Variants in CTU2 observed in about 807,000 individuals in gnomAD.
The protein encoded by CTU2 is cytosolic thiouridylase subunit 2.
CTU2 carries 80 observed loss-of-function variants against 64.1 expected under a neutral mutation model. That is an observed-to-expected ratio of 1.25 (90% confidence interval 1.04 to 1.50). CTU2 has a LOEUF of 1.50. Among genes scored for constraint, CTU2 ranks in the 40% most tolerant of loss-of-function variants. The pLI, the probability that CTU2 is intolerant of heterozygous loss-of-function variation, is 0.00. For synonymous variants in CTU2, 482 were observed against 285.3 expected (o/e 1.69, Z -6.95); for missense variants, 1,110 against 690.2 (o/e 1.61, Z -6.81).
rs1567643226 is a variant in CTU2 at position 88,706,554 on chromosome 16, C to CG, written c.28dup (p.Glu10GlyfsTer5). On this transcript the variant is annotated frameshift_variant, in exon 1 of 15. Coordinates refer to ENST00000453996, the MANE Select transcript of CTU2 (RefSeq NM_001012759.3). LOFTEE classifies it high-confidence loss of function. Reference sequence around the variant, plus strand: ...CCATGTGTCAGGTGGGCGAGGACTACGGGGAGCCGGCGCCTGAGGAGCCGC... The same window carrying CG: ...CCATGTGTCAGGTGGGCGAGGACTACGGGGGAGCCGGCGCCTGAGGAGCCGC... 5 of 1,459,450 alleles carry CG rather than the reference C, an allele frequency of 3.4e-6. No individual in the cohort carries two copies. Among genetic ancestry groups the CG allele is most frequent in the Non-Finnish European group, 4.5e-6 (5 of 1,112,682 alleles). 90.4% of individuals were successfully genotyped at this position (1,459,450 alleles called of 1,614,324 possible).
intron 5 of CTU2, 95 bp from the exon 6 acceptor site, chr16:88,712,179 A>T: frequency 9.6e-7 from 1 of 1,038,922 alleles, no homozygotes; most frequent in Non-Finnish European, 1.5e-6. Flanking sequence ...CTGCGGAGCG[A>T]GGCCTCGAAG....
chr16:88,714,030 A>C, intron 9 of CTU2, 106 bp from the exon 10 acceptor site: 2 of 1,190,420 alleles, frequency 1.7e-6, no homozygotes, highest in Non-Finnish European at 2.5e-6. Context: ...AGCCAGACCC[A>C]TGTGGGCCAG....
intron 9 of CTU2, 122 bp downstream of exon 9, chr16:88,713,900 C>T (rs1168984140): frequency 3.6e-6 from 5 of 1,382,462 alleles, no homozygotes; most frequent in African/African-American, 1.4e-5. Context: ...CTGTGGCCCC[C>T]AGCAGTGCTG....
rs1911332618 is a variant in CTU2 at position 88,711,683 on chromosome 16, A to ATCTTTGTT, written c.332_339dup (p.Asp114SerfsTer13). The ATCTTTGTT allele has an allele frequency of 6.2e-7, 1 of 1,608,368 alleles. No homozygotes were observed. The highest frequency in any genetic ancestry group is 8.5e-7 in the Non-Finnish European group (1 of 1,176,544). On this transcript the variant is annotated frameshift_variant, in exon 5 of 15. Transcript: ENST00000453996. LOFTEE classifies it high-confidence loss of function. Reference sequence around the variant, plus strand: ...AAGACTGCGCTTTGTGGCAGGAGTCATCTTTGTTGACGGTATGTGGGGCCA... The same window carrying ATCTTTGTT: ...AAGACTGCGCTTTGTGGCAGGAGTCATCTTTGTTTCTTTGTTGACGGTATGTGGGGCCA...
chr16:88,711,969 C>T, intron 5 of CTU2: 1 of 606,994 alleles, frequency 1.6e-6, no homozygotes, highest in Admixed American at 2.9e-5. Flanking sequence ...TGCCCAGCCC[C>T]CATCACGGGG....
At position 88,713,252 on chromosome 16, in the gene CTU2, G is replaced by A. The variant is rs556082678; in HGVS notation, c.738-60G>A. The A allele has an allele frequency of 3.2e-4, 278 of 875,484 alleles. No individual in the cohort carries two copies. The East Asian group carries it at 0.011, about 34-fold the overall frequency. The allele number at this position is 875,484 out of a possible 1,614,324, so 54.2% of individuals were successfully genotyped here. On this transcript the variant is annotated intron_variant, in intron 7 of 14. Coordinates refer to ENST00000453996, the MANE Select transcript of CTU2 (RefSeq NM_001012759.3). ...CGGGCCCTGACCCCCACTCATACCC[G>A]AGAGCCCCCCTTCCCCGGGTCCTGC...
Position 88,712,611 on chromosome 16 carries a change from C to T in CTU2, c.454-11C>T. 1 of 1,607,584 alleles carries T rather than the reference C, an allele frequency of 6.2e-7. No individual in the cohort carries two copies. Among genetic ancestry groups the T allele is most frequent in the Non-Finnish European group, 8.5e-7 (1 of 1,178,036 alleles). Reference sequence around the variant, plus strand: ...TCCCGGGCCTCACTGGCGTCTCCCTCATCCCGGAAGGTGTTCAGCCTGCCA... The same window carrying T: ...TCCCGGGCCTCACTGGCGTCTCCCTTATCCCGGAAGGTGTTCAGCCTGCCA... On this transcript the variant is annotated splice_polypyrimidine_tract_variant and intron_variant, in intron 6 of 14. Coordinates refer to ENST00000453996, the MANE Select transcript of CTU2 (RefSeq NM_001012759.3).
intron 1 of CTU2, chr16:88,706,803 G>A (rs1910882388): frequency 3.8e-6 from 2 of 525,202 alleles, no homozygotes; most frequent in Non-Finnish European, 3.4e-6. Context: ...CATCCTAGCA[G>A]CCACTGGGGA....
intron 5 of CTU2, among the ~76,000 whole-genome samples, 190 bp downstream of exon 5, chr16:88,711,885 C>T (rs1054752775): frequency 2.0e-4 from 31 of 152,284 alleles, no homozygotes; most frequent in African/African-American, 6.5e-4. Context: ...ATGTATCCAT[C>T]GTTAGGTGGC....
rs1411341289 is a variant in CTU2, at chr16:88,715,122, C to T, written c.1478+16C>T. The T allele has an allele frequency of 3.1e-6, 5 of 1,598,378 alleles. No individual in the cohort carries two copies. The highest frequency in any genetic ancestry group is 1.7e-5 in the Admixed American group (1 of 58,720). ...GCACACAGAGGTACTGGGGCCCACACTGCCGTGGCGCGTGGGTAAGGGGCC... is the reference window on the plus strand; with the variant it reads ...GCACACAGAGGTACTGGGGCCCACATTGCCGTGGCGCGTGGGTAAGGGGCC... On this transcript the variant is annotated intron_variant, in intron 14 of 14. Transcript: ENST00000453996.
intron 2 of CTU2, among the ~76,000 whole-genome samples, chr16:88,707,537 AG>A (rs1651916990): frequency 1.3e-5 from 2 of 152,038 alleles, no homozygotes; most frequent in African/African-American, 2.4e-5. Flanking sequence ...GAATACATCT[AG>A]GGGCGGATCA....
rs73262679 is a variant in CTU2 at position 88,714,546 on chromosome 16, C to T, written c.1202-41C>T. ...GGGAGCCAGGGAGTGGGTGTGGGGG[C>T]TCAGCAGCCCCAGGCTCCGTCACCC... On this transcript the variant is annotated intron_variant, in intron 11 of 14. Transcript: ENST00000453996. 7.4e-3 allele frequency: 11,882 copies of T among 1,611,972 alleles called. 767 individuals are homozygous for T. In the African/African-American group the frequency reaches 0.14, roughly 19 times the overall value.
At chr16:88,711,598 T>C (rs1230462919) in intron 4 of CTU2, 37 bp from the exon 5 acceptor site, 1 of 1,561,562 alleles carries the variant, frequency 6.4e-7, no homozygotes, top group Non-Finnish European at 8.7e-7. Context: ...CTGTGGCTTA[T>C]GGCTGGGGGC....
At chr16:88,713,989 G>T in intron 9 of CTU2, 147 bp from the exon 10 acceptor site, 3 of 1,033,538 alleles carry the variant, frequency 2.9e-6, no homozygotes, top group Non-Finnish European at 2.9e-6. Flanking sequence ...GCTGAAGCGG[G>T]TTCTCTGGCT....
At chr16:88,708,311 G>A (rs971541579) in intron 2 of CTU2, among the ~76,000 whole-genome samples, 24 of 152,156 alleles carry the variant, frequency 1.6e-4, no homozygotes, top group Admixed American at 1.3e-4. Context: ...AATCTACATC[G>A]AGCTGGGATC....
chr16:88,714,931 G>T lies in CTU2; in HGVS notation c.1419+5G>T. ...CGCGTGAACATGAAGGACTTGGTGA[G>T]TACGTGCCCACCTGTCCTGGGCCGG... On this transcript the variant is annotated splice_donor_5th_base_variant and intron_variant, in intron 13 of 14. Coordinates refer to ENST00000453996, the MANE Select transcript of CTU2 (RefSeq NM_001012759.3). The T allele has an allele frequency of 6.2e-7, 1 of 1,612,606 alleles. No homozygotes were observed. The highest frequency in any genetic ancestry group is 2.2e-5 in the East Asian group (1 of 44,884).
At chr16:88,712,198 C>G (rs762086877) in intron 5 of CTU2, 76 bp from the exon 6 acceptor site, 1 of 1,284,366 alleles carries the variant, frequency 7.8e-7, no homozygotes, top group Admixed American at 2.0e-5. Context: ...AGGGTTTTCC[C>G]AGGTGGAGGT....
chr16:88,710,598 C>T (rs1029857297), intron 4 of CTU2: 3 of 385,224 alleles, frequency 7.8e-6, no homozygotes, highest in Admixed American at 8.5e-5. Flanking sequence ...GCTGGGTCCA[C>T]AGTGCGTGTG....
rs770597327 is a variant in CTU2 at position 88,711,694 on chromosome 16, C to T, written c.342C>T (p.Asp114=). 160 of 1,608,360 alleles carry T rather than the reference C, an allele frequency of 9.9e-5. No homozygotes were observed. The highest frequency in any genetic ancestry group is 2.3e-4 in the South Asian group (21 of 90,164). ...LRFVAGVIFV[D]EGAACGQSLE... ...TTGTGGCAGGAGTCATCTTTGTTGACGGTATGTGGGGCCATTGCTCCTCCT... is the reference window on the plus strand; with the variant it reads ...TTGTGGCAGGAGTCATCTTTGTTGATGGTATGTGGGGCCATTGCTCCTCCT... Residue 114 remains aspartate (D), a splice_region_variant and synonymous_variant, in exon 5 of 15, where the codon GAC becomes GAT. Transcript: ENST00000453996.
Sources: allele counts gnomAD v4.1 joint callset (sites outside exome capture counted in the v4.1 genomes callset), GRCh38; gene constraint gnomAD v4.1.1; transcripts MANE v1.5; gene names NCBI Gene and HGNC (gene_info 2026-07-23, HGNC 2026-07-21).